PGM3: variants seen among roughly 807,000 people sequenced by gnomAD.
PGM3 encodes the protein phosphoglucomutase 3.
Under a neutral mutation model 66.2 loss-of-function variants are expected in PGM3, and 40 were observed. That is an observed-to-expected ratio of 0.60 (90% CI 0.47 to 0.79). PGM3 has a LOEUF of 0.79. Among genes scored for constraint, PGM3 ranks in the 30% least tolerant of loss-of-function variants. The pLI is 0.00. For synonymous variants in PGM3, 191 were observed against 224.2 expected, an observed-to-expected ratio of 0.85 and a Z score of 1.32; for missense variants, 537 against 643.4, an observed-to-expected ratio of 0.83 and a Z score of 1.79.
At chr6:83,152,107 A>T in the PGM3 span, 1 of 1,517,464 alleles carries the variant, frequency 6.6e-7, no homozygotes, top group Non-Finnish European at 9.0e-7. Context: ...TAGCACTATA[A>T]GTACCACAAA....
chr6:83,156,911 A>G (rs1299997113), downstream of PGM3, among the ~76,000 whole-genome samples: 1 of 152,214 alleles, frequency 6.6e-6, no homozygotes, highest in Non-Finnish European at 1.5e-5. Context: ...TATCCCATCC[A>G]TAAGTACAAA....
the PGM3 span, chr6:83,152,194 T>C: frequency 1.1e-5 from 8 of 735,384 alleles, no homozygotes; most frequent in African/African-American, 7.8e-5. Flanking sequence ...CATATATATA[T>C]ACATATATAA....
chr6:83,167,219 G>T lies in PGM3; in HGVS notation c.*2015C>A. 1 of 928,868 alleles carries T rather than the reference G, an allele frequency of 1.1e-6. No homozygotes were observed. Among genetic ancestry groups the T allele is most frequent in the Non-Finnish European group, 1.3e-6 (1 of 778,210 alleles). 57.5% of individuals were successfully genotyped at this position (928,868 alleles called of 1,614,324 possible). A position where few individuals can be genotyped will look rare whatever the true frequency, so the allele number is the denominator to read the frequency against. ...TCCTGCCCAAGGGTGCCGTAAGTAT[G>T]GCAGAGCCAGCACACTAACTCAATT... On this transcript the variant is annotated 3_prime_UTR_variant, in exon 13 of 13. Transcript: ENST00000513973.
At chr6:83,175,437 A>G (rs1787685231) in intron 9 of PGM3, among the ~76,000 whole-genome samples, 2 of 152,350 alleles carry the variant, frequency 1.3e-5, no homozygotes, top group South Asian at 4.1e-4. Context: ...CCTCAAGTGT[A>G]TTCATTAAAT....
At chr6:83,189,039 G>A (rs1008887263) in intron 2 of PGM3, among the ~76,000 whole-genome samples, 2 of 152,034 alleles carry the variant, frequency 1.3e-5, no homozygotes, top group Non-Finnish European at 2.9e-5. Flanking sequence ...TTCAATCTTC[G>A]AGAAAACTGA....
chr6:83,170,986 AAACAT>A (rs1160954962), intron 11 of PGM3: 1 of 153,826 alleles, frequency 6.5e-6, no homozygotes, highest in African/African-American at 2.4e-5. Context: ...TCTGTGAACT[AAACAT>A]AATGCAGAGT....
chr6:83,151,386 C>A, the PGM3 span, among the ~76,000 whole-genome samples: 1 of 152,080 alleles, frequency 6.6e-6, no homozygotes, highest in Non-Finnish European at 1.5e-5. Context: ...GGGGCTCTTA[C>A]AAAAGATGCT....
the PGM3 span, among the ~76,000 whole-genome samples, chr6:83,149,939 G>A: frequency 6.6e-6 from 1 of 152,214 alleles, no homozygotes; most frequent in Admixed American, 6.6e-5. Context: ...TGACAATCTG[G>A]ACAGGCATCC....
intron 6 of PGM3, among the ~76,000 whole-genome samples, chr6:83,180,269 T>C (rs1290342689): frequency 6.6e-6 from 1 of 152,168 alleles, no homozygotes; most frequent in Non-Finnish European, 1.5e-5. Flanking sequence ...GAAAGCTACA[T>C]GTATTTCTGA....
chr6:83,191,368 A>G, intron 1 of PGM3: 2 of 722,552 alleles, frequency 2.8e-6, no homozygotes, highest in Non-Finnish European at 2.3e-6. Context: ...CAATGAGCTC[A>G]AAGATCATTT....
chr6:83,155,962 G>A, the PGM3 span: 1 of 1,611,488 alleles, frequency 6.2e-7, no homozygotes, highest in Non-Finnish European at 8.5e-7. Flanking sequence ...TCGTGTAGCA[G>A]TGGCTCAAAG....
At chr6:83,161,439 GTAAC>G (rs1415111736), downstream of PGM3, among the ~76,000 whole-genome samples, 7 of 152,096 alleles carry the variant, frequency 4.6e-5, no homozygotes, top group African/African-American at 1.7e-4. Flanking sequence ...AAGTATCCAT[GTAAC>G]TAAAAGGTAC....
At chr6:83,171,301 AT>A (rs943100841) in intron 11 of PGM3, 2 of 152,154 alleles carry the variant, frequency 1.3e-5, no homozygotes, top group African/African-American at 4.8e-5. Context: ...TCTATTTTTA[AT>A]TTTTTTATAT....
chr6:83,151,714 A>T, the PGM3 span: 1 of 1,528,916 alleles, frequency 6.5e-7, no homozygotes, highest in Non-Finnish European at 8.9e-7. Context: ...CTCAATTTGA[A>T]AATGAGAGAG....
chr6:83,162,142 C>T (rs1206123069), downstream of PGM3, among the ~76,000 whole-genome samples: 2 of 152,022 alleles, frequency 1.3e-5, no homozygotes, highest in African/African-American at 2.4e-5. Flanking sequence ...ACTCTCTGGA[C>T]GGACTTACGA....
In PGM3 at chr6:83,169,291, G is replaced by T; in HGVS notation, c.1572C>A (p.Ser524Arg). Residue 524 changes from serine (S) to arginine (R), a missense_variant, in exon 13 of 13, where the codon AGC becomes AGA. Physicochemically the swap from Ser to Arg is moderately radical, Grantham distance 110. Coordinates refer to ENST00000513973, the MANE Select transcript of PGM3 (RefSeq NM_015599.3). Reference protein sequence around the residue: ...ESADHLAHEVSLAVFQLAGGI... With the variant: ...ESADHLAHEVRLAVFQLAGGI... ...CTCCAGCCAGCTGAAATACTGCCAAGCTCACTTCATGTGCAAGGTGATCTG... is the reference window on the plus strand; with the variant it reads ...CTCCAGCCAGCTGAAATACTGCCAATCTCACTTCATGTGCAAGGTGATCTG... The T allele has an allele frequency of 6.2e-7, 1 of 1,613,802 alleles. No individual in the cohort carries two copies. Among genetic ancestry groups the T allele is most frequent in the Non-Finnish European group, 8.5e-7 (1 of 1,179,726 alleles).
At chr6:83,160,123 G>A (rs567460301), downstream of PGM3, among the ~76,000 whole-genome samples, 1 of 152,262 alleles carries the variant, frequency 6.6e-6, no homozygotes, top group African/African-American at 2.4e-5. Flanking sequence ...GAAGTAAATG[G>A]TCAATGTGGA....
chr6:83,184,840 C>T (rs1279865147), intron 4 of PGM3, among the ~76,000 whole-genome samples: 1 of 152,190 alleles, frequency 6.6e-6, no homozygotes, highest in Non-Finnish European at 1.5e-5. Context: ...AGTCCCATTG[C>T]ATCTGGAATA....
chr6:83,177,235 AG>A (rs1166054248), intron 8 of PGM3, among the ~76,000 whole-genome samples: 1 of 152,142 alleles, frequency 6.6e-6, no homozygotes, highest in Non-Finnish European at 1.5e-5. Context: ...AACTAAAACT[AG>A]TATAAATGCC....
Sources: gnomAD v4.1 joint callset for allele counts (sites outside exome capture counted in the v4.1 genomes callset) on GRCh38, gnomAD v4.1.1 for gene constraint, MANE v1.5 for transcripts, NCBI Gene and HGNC (gene_info 2026-07-23, HGNC 2026-07-21) for gene names.